Variants in BRINP1 observed in about 807,000 individuals in gnomAD.
The protein encoded by BRINP1 is BMP/retinoic acid inducible neural specific 1, also known as BMP/retinoic acid-inducible neural-specific protein 1.
In BRINP1, 17 loss-of-function variants were observed where a neutral mutation model predicts 72.9. The observed-to-expected ratio is 0.23, with a 90% CI of 0.16 to 0.35. The LOEUF is 0.35. BRINP1 is among the 10% of genes least tolerant of loss of function. BRINP1 has a pLI of 1.00. For synonymous variants in BRINP1, 418 were observed against 378.5 expected, an observed-to-expected ratio of 1.10 and a Z score of -1.21; for missense variants, 850 against 1,001.6, an observed-to-expected ratio of 0.85 and a Z score of 2.04.
intron 4 of BRINP1, among the ~76,000 whole-genome samples, chr9:119,239,764 A>G (rs1035459539): frequency 3.3e-5 from 5 of 152,210 alleles, no homozygotes; most frequent in Non-Finnish European, 7.3e-5. Context: ...TGAAGGGTTT[A>G]GCACTTCGGG....
intron 1 of BRINP1, among the ~76,000 whole-genome samples, chr9:119,356,740 G>A (rs1416853154): frequency 6.6e-5 from 10 of 151,714 alleles, no homozygotes; most frequent in Admixed American, 2.0e-4. Context: ...GGGAGGCGGA[G>A]GTTGCAGTAA....
At chr9:119,303,097 C>A (rs972523334) in intron 2 of BRINP1, among the ~76,000 whole-genome samples, 1 of 152,156 alleles carries the variant, frequency 6.6e-6, no homozygotes, top group Non-Finnish European at 1.5e-5. Context: ...CTACTTCTTT[C>A]TCATACAAAG....
chr9:119,229,679 G>T (rs558271836), intron 5 of BRINP1, among the ~76,000 whole-genome samples: 2 of 152,194 alleles, frequency 1.3e-5, no homozygotes, highest in African/African-American at 4.8e-5. Flanking sequence ...AAAAACACAT[G>T]CCCTTTTGAA....
At chr9:119,218,298 G>A (rs970790596) in intron 5 of BRINP1, among the ~76,000 whole-genome samples, 5 of 150,754 alleles carry the variant, frequency 3.3e-5, no homozygotes, top group East Asian at 2.0e-4. Flanking sequence ...TCCGCCTCCC[G>A]GGTTCAAGCG....
At chr9:119,274,944 T>C (rs1316141036) in intron 2 of BRINP1, among the ~76,000 whole-genome samples, 2 of 152,210 alleles carry the variant, frequency 1.3e-5, no homozygotes, top group African/African-American at 4.8e-5. Flanking sequence ...CATTATTTAA[T>C]GTATGTTAAC....
At chr9:119,249,828 AAGGAAGGAAGGAAGGAAGGAAGGAAGGG>A (rs1212391609) in intron 2 of BRINP1, among the ~76,000 whole-genome samples, 2 of 57,598 alleles carry the variant, frequency 3.5e-5, no homozygotes, top group African/African-American at 7.6e-5. Context: ...GGAAGGAAGG[AAGGAAGGAAGGAAGGAAGGAAGGAAGGG>A]AGGGAGGGAG....
At chr9:119,244,182 T>C (rs1830288760) in intron 3 of BRINP1, among the ~76,000 whole-genome samples, 1 of 152,248 alleles carries the variant, frequency 6.6e-6, no homozygotes, top group Non-Finnish European at 1.5e-5. Context: ...TCTCAGGTTT[T>C]ACAGGCCAAG....
At chr9:119,277,293 G>A (rs886112770) in intron 2 of BRINP1, among the ~76,000 whole-genome samples, 3 of 152,146 alleles carry the variant, frequency 2.0e-5, no homozygotes, top group African/African-American at 4.8e-5. Context: ...TTCGTCCAAT[G>A]CATTGGCTTT....
chr9:119,344,668 T>C (rs1363126844), intron 1 of BRINP1, among the ~76,000 whole-genome samples: 2 of 152,242 alleles, frequency 1.3e-5, no homozygotes, highest in Admixed American at 6.5e-5. Flanking sequence ...TACCCAGTGC[T>C]GAGGTTATGA....
chr9:119,307,897 A>G (rs1831015430), intron 2 of BRINP1, among the ~76,000 whole-genome samples: 4 of 152,218 alleles, frequency 2.6e-5, no homozygotes, highest in Admixed American at 2.6e-4. Flanking sequence ...CAGCTGGGCA[A>G]GGTCAAGGAT....
intron 7 of BRINP1, among the ~76,000 whole-genome samples, chr9:119,190,103 C>T (rs1002277588): frequency 2.2e-4 from 34 of 151,704 alleles, no homozygotes; most frequent in Non-Finnish European, 4.7e-4. Context: ...AAAAGGGAAA[C>T]TGAAAAATAT....
rs531780497 is a variant in BRINP1, at chr9:119,170,074, C to T, written c.1146-1850G>A. Among the ~76,000 whole-genome samples, 7 of 152,280 alleles carry T rather than the reference C, an allele frequency of 4.6e-5. No homozygotes were observed. In the East Asian group the frequency reaches 9.7e-4, roughly 21 times the overall value. On this transcript the variant is annotated intron_variant, in intron 7 of 7. Coordinates refer to ENST00000265922, the MANE Select transcript of BRINP1 (RefSeq NM_014618.3). Reference sequence around the variant, plus strand: ...CCGGAAACTCTAAAAAGCAGAGCGCCTCTCCTCCTCCAAAGGAACGCAGTT... The same window carrying T: ...CCGGAAACTCTAAAAAGCAGAGCGCTTCTCCTCCTCCAAAGGAACGCAGTT...
rs1216645826 is a variant in BRINP1 at position 119,238,195 on chromosome 9, G to A, written c.685+460C>T. On this transcript the variant is annotated intron_variant, in intron 5 of 7. Coordinates refer to ENST00000265922, the MANE Select transcript of BRINP1 (RefSeq NM_014618.3). The stretch of plus-strand genomic sequence containing the variant: ...ATACATTATGCTTTTTAAAAACAGT[G>A]CTATGTGTACTTAAAGCCTTGTCCA... Among the ~76,000 whole-genome samples, 3 of 151,908 alleles carry A rather than the reference G, an allele frequency of 2.0e-5. No individual in the cohort carries two copies. In the South Asian group the frequency reaches 6.2e-4, roughly 32 times the overall value.
At chr9:119,216,042 C>T (rs1174375713) in intron 5 of BRINP1, among the ~76,000 whole-genome samples, 2 of 152,318 alleles carry the variant, frequency 1.3e-5, no homozygotes, top group Middle Eastern at 3.4e-3. Flanking sequence ...TGGCACATAG[C>T]AAGCAAACAA....
At position 119,177,822 on chromosome 9, in the gene BRINP1, C is replaced by A. The variant is rs960054401; in HGVS notation, c.1146-9598G>T. 2.6e-5 allele frequency among the ~76,000 whole-genome samples: 4 copies of A among 152,204 alleles called. No individual in the cohort carries two copies. In the South Asian group the frequency reaches 8.3e-4, roughly 32 times the overall value. ...TTGGGGACAGAGGGCCTCTGAGATA[C>A]ATTCGCGAGCTGCGTGGCACCTGCA... On this transcript the variant is annotated intron_variant, in intron 7 of 7. Transcript: ENST00000265922.
chr9:119,355,503 C>T (rs1247274216), intron 1 of BRINP1, among the ~76,000 whole-genome samples: 10 of 151,938 alleles, frequency 6.6e-5, no homozygotes, highest in East Asian at 3.9e-4. Flanking sequence ...CCAAGGTGGG[C>T]GAATCACAAG....
intron 7 of BRINP1, among the ~76,000 whole-genome samples, chr9:119,171,247 C>CAGAG (rs1353093975): frequency 6.8e-6 from 1 of 147,442 alleles, no homozygotes. Context: ...ATCTCATGTG[C>CAGAG]AGAGACACAC....
chr9:119,240,169 T>C (rs1830233187), intron 4 of BRINP1, among the ~76,000 whole-genome samples: 1 of 152,090 alleles, frequency 6.6e-6, no homozygotes, highest in African/African-American at 2.4e-5. Context: ...CTTGGGAGGC[T>C]GAGGCAGGAG....
chr9:119,208,226 G>A (rs1217777930), intron 7 of BRINP1, among the ~76,000 whole-genome samples: 7 of 152,156 alleles, frequency 4.6e-5, no homozygotes, highest in East Asian at 1.9e-4. Flanking sequence ...CAATGACCCC[G>A]CAAGTGTCTC....
Sources: gnomAD v4.1 joint callset for allele counts (sites outside exome capture counted in the v4.1 genomes callset) on GRCh38, gnomAD v4.1.1 for gene constraint, MANE v1.5 for transcripts, NCBI Gene and HGNC (gene_info 2026-07-23, HGNC 2026-07-21) for gene names.